Variants in DIS3L2 observed in about 807,000 individuals in gnomAD.
DIS3L2 encodes the protein DIS3 like 3'-5' exoribonuclease 2.
A neutral mutation model predicts 97.5 loss-of-function variants in DIS3L2; 34 were observed. The observed-to-expected ratio is 0.35, with a 90% CI of 0.27 to 0.46. DIS3L2 has a LOEUF of 0.46. Ranked by LOEUF, DIS3L2 falls within the 20% of genes least tolerant of loss-of-function variation. The probability of loss-of-function intolerance (pLI) is 1.00; values close to 1 mark genes in which losing one functional copy is unlikely to be tolerated. For synonymous variants in DIS3L2, 435 were observed against 445.2 expected (o/e 0.98, Z 0.29); for missense variants, 1,038 against 1,146.0 (o/e 0.91, Z 1.36).
At chr2:232,247,525 C>G (rs1693284134) in intron 11 of DIS3L2, among the ~76,000 whole-genome samples, 1 of 150,518 alleles carries the variant, frequency 6.6e-6, no homozygotes, top group African/African-American at 2.4e-5. Flanking sequence ...GGGCACCACC[C>G]CGTGTCCTCA....
At chr2:232,329,785 T>TGCCGGGGGGCGCC in intron 14 of DIS3L2, 28 bp from the exon 15 acceptor site, 9 of 967,140 alleles carry the variant, frequency 9.3e-6, no homozygotes, top group Non-Finnish European at 1.3e-5. Flanking sequence ...ACCCCAGCGG[T>TGCCGGGGGGCGCC]CCCTCCCATC....
At chr2:232,161,335 A>G (rs1203203762) in intron 8 of DIS3L2, among the ~76,000 whole-genome samples, 3 of 152,122 alleles carry the variant, frequency 2.0e-5, no homozygotes, top group Admixed American at 2.0e-4. Context: ...CTGATTTGAC[A>G]CTTTTCTTCC....
At chr2:231,978,302 C>G (rs529553814) in intron 1 of DIS3L2, among the ~76,000 whole-genome samples, 1 of 152,280 alleles carries the variant, frequency 6.6e-6, no homozygotes, top group South Asian at 2.1e-4. Flanking sequence ...CTGAGGTAAT[C>G]TGAATTTTGT....
chr2:232,309,223 A>AC (rs112541683), intron 14 of DIS3L2, among the ~76,000 whole-genome samples: 33,833 of 152,102 alleles, frequency 0.22, 4,614 homozygotes, highest in African/African-American at 0.39. Flanking sequence ...CCCTTTGCCC[A>AC]CTAGGTAGTG....
chr2:232,272,506 G>C (rs1274382423), intron 13 of DIS3L2, among the ~76,000 whole-genome samples: 1 of 152,218 alleles, frequency 6.6e-6, no homozygotes, highest in African/African-American at 2.4e-5. Flanking sequence ...TGTGATGAAA[G>C]GGAAAAGGAG....
chr2:232,026,658 G>T (rs1192102842), intron 4 of DIS3L2, among the ~76,000 whole-genome samples: 1 of 152,058 alleles, frequency 6.6e-6, no homozygotes, highest in African/African-American at 2.4e-5. Flanking sequence ...CTGATGGGGA[G>T]GGTTGTGGCT....
In DIS3L2 at chr2:232,014,813, ACCAATCT is replaced by A; in HGVS notation, c.-93-20_-93-14del. The stretch of plus-strand genomic sequence containing the variant: ...GCTACAGCTTAACCGCTCTCCAATT[ACCAATCT>A]CTTCTTGGTTTCAGCGAATGACAAC... On this transcript the variant is annotated splice_polypyrimidine_tract_variant and intron_variant, in intron 1 of 20. Transcript: ENST00000325385. 1 of 1,152,432 alleles carries A rather than the reference ACCAATCT, an allele frequency of 8.7e-7. No individual in the cohort carries two copies. The highest frequency in any genetic ancestry group is 2.4e-5 in the East Asian group (1 of 40,822). The allele number at this position is 1,152,432 out of a possible 1,614,324, so 71.4% of individuals were successfully genotyped here.
intron 9 of DIS3L2, among the ~76,000 whole-genome samples, chr2:232,183,832 G>C (rs147649973): frequency 6.6e-6 from 1 of 152,248 alleles, no homozygotes; most frequent in African/African-American, 2.4e-5. Context: ...GTAAATGGGG[G>C]TTTTCAGGGA....
intron 5 of DIS3L2, among the ~76,000 whole-genome samples, chr2:232,043,113 C>T (rs1695152808): frequency 6.6e-6 from 1 of 152,170 alleles, no homozygotes; most frequent in Admixed American, 6.5e-5. Context: ...GTATGATAGG[C>T]AAGGTTATAT....
chr2:231,970,934 T>C (rs1411822521), intron 1 of DIS3L2, among the ~76,000 whole-genome samples: 1 of 152,218 alleles, frequency 6.6e-6, no homozygotes, highest in Non-Finnish European at 1.5e-5. Flanking sequence ...TTTATTACTT[T>C]TTAAAATTTT....
At chr2:232,211,945 G>A (rs1321909295) in intron 10 of DIS3L2, among the ~76,000 whole-genome samples, 1 of 152,026 alleles carries the variant, frequency 6.6e-6, no homozygotes, top group East Asian at 1.9e-4. Context: ...GAACTCCCAA[G>A]CTCAAGCAGT....
rs574985242 is a variant in DIS3L2, at chr2:232,027,658, TAGTC to T, written c.265-2318_265-2315del. Among the ~76,000 whole-genome samples, 426 of 152,318 alleles carry T rather than the reference TAGTC, an allele frequency of 2.8e-3. 1 individual carries two copies. The highest frequency in any genetic ancestry group is 4.6e-3 in the Non-Finnish European group (316 of 68,010). ...GGTAAAGAGGTGAAGAACAGTGAAT[TAGTC>T]AGCAGGTATAAAATAATACTTTGTT... On this transcript the variant is annotated intron_variant, in intron 4 of 20. Transcript: ENST00000325385.
At chr2:232,097,569 C>T (rs1182905288) in intron 6 of DIS3L2, among the ~76,000 whole-genome samples, 1 of 152,132 alleles carries the variant, frequency 6.6e-6, no homozygotes, top group Non-Finnish European at 1.5e-5. Flanking sequence ...CCAATGTTCA[C>T]TTAAGGCCCA....
chr2:232,262,112 G>T (rs1306125652), intron 12 of DIS3L2, among the ~76,000 whole-genome samples: 7 of 151,992 alleles, frequency 4.6e-5, no homozygotes, highest in Admixed American at 2.6e-4. Context: ...CAGCTCTCTT[G>T]TTTTTTCTAC....
chr2:232,231,715 A>G (rs1282448804), intron 10 of DIS3L2, among the ~76,000 whole-genome samples: 1 of 152,218 alleles, frequency 6.6e-6, no homozygotes, highest in Non-Finnish European at 1.5e-5. Flanking sequence ...GGCAGGGTTT[A>G]CAATCCTTTC....
At chr2:232,221,768 T>C (rs1367619299) in intron 10 of DIS3L2, among the ~76,000 whole-genome samples, 1 of 151,952 alleles carries the variant, frequency 6.6e-6, no homozygotes, top group Non-Finnish European at 1.5e-5. Context: ...ACCAGTGTAC[T>C]CCAGCCGGGG....
Position 232,037,533 on chromosome 2 carries a change from G to A in DIS3L2, c.366+7453G>A, listed in dbSNP as rs1458895542. 6.6e-6 allele frequency among the ~76,000 whole-genome samples: 1 copy of A among 152,162 alleles called. No homozygotes were observed. The highest frequency in any genetic ancestry group is 6.5e-5 in the Admixed American group (1 of 15,280). ...CTCTCTGGCTTCAACCCCTTTTCCA[G>A]CGGGGTGAACAGTTCTCTCTCACTG... On this transcript the variant is annotated intron_variant, in intron 5 of 20. Transcript: ENST00000325385. This position sits in a 1 kb window ranked among gnomAD's most constrained non-coding sequence, Gnocchi z 4.6.
At chr2:232,257,434 G>T (rs1322552539) in intron 12 of DIS3L2, among the ~76,000 whole-genome samples, 3 of 152,088 alleles carry the variant, frequency 2.0e-5, no homozygotes, top group Non-Finnish European at 4.4e-5. Context: ...TCACTGCCGG[G>T]CTGCCCCTAC....
chr2:232,329,787 C>CCCGGGGGGGGCG, intron 14 of DIS3L2, 26 bp from the exon 15 acceptor site: 2 of 1,062,210 alleles, frequency 1.9e-6, no homozygotes, highest in Non-Finnish European at 1.3e-6. Flanking sequence ...CCCAGCGGTC[C>CCCGGGGGGGGCG]CTCCCATCCC....
Sources: gnomAD v4.1 joint callset for allele counts (sites outside exome capture counted in the v4.1 genomes callset) on GRCh38, gnomAD v4.1.1 for gene constraint, Gnocchi (gnomAD v3.1) non-coding constraint, MANE v1.5 for transcripts, NCBI Gene and HGNC (gene_info 2026-07-23, HGNC 2026-07-21) for gene names.